Variants in SRD5A2 observed in about 807,000 individuals in gnomAD.
SRD5A2 encodes the protein steroid 5 alpha-reductase 2.
In SRD5A2, 30 loss-of-function variants were observed where a neutral mutation model predicts 27.4. That is an observed-to-expected ratio of 1.10 (90% confidence interval 0.82 to 1.49). The LOEUF (loss-of-function observed/expected upper bound fraction) is 1.49, where lower values mean the gene tolerates loss of function less well. SRD5A2 is among the 40% of genes most tolerant of loss of function. SRD5A2 has a pLI of 0.00. For synonymous variants in SRD5A2, 141 were observed against 133.6 expected (o/e 1.06, Z -0.38); for missense variants, 348 against 323.4 (o/e 1.08, Z -0.58).
the SRD5A2 span, among the ~76,000 whole-genome samples, chr2:31,599,247 T>C: frequency 6.6e-6 from 1 of 152,000 alleles, no homozygotes; most frequent in Admixed American, 6.6e-5. Context: ...GCATTGAACA[T>C]ATCTTCCAGA....
At chr2:31,591,520 T>A in the SRD5A2 span, among the ~76,000 whole-genome samples, 38 of 152,076 alleles carry the variant, frequency 2.5e-4, no homozygotes, top group South Asian at 8.3e-4. Context: ...ATTGTGGAAG[T>A]CAGTGTGGTG....
the SRD5A2 span, among the ~76,000 whole-genome samples, chr2:31,607,518 C>A: frequency 6.6e-6 from 1 of 151,626 alleles, no homozygotes; most frequent in South Asian, 2.1e-4. Context: ...AAAAAAAGCT[C>A]AGCATTTTAC....
At chr2:31,565,556 T>C (rs1478465116) in intron 1 of SRD5A2, among the ~76,000 whole-genome samples, 1 of 151,904 alleles carries the variant, frequency 6.6e-6, no homozygotes, top group African/African-American at 2.4e-5. Flanking sequence ...AAATCTGTAG[T>C]GGCTAAGTTA....
chr2:31,657,880 T>C, the SRD5A2 span, among the ~76,000 whole-genome samples: 1 of 151,376 alleles, frequency 6.6e-6, no homozygotes, highest in Non-Finnish European at 1.5e-5. Flanking sequence ...AAAGTCATCA[T>C]GAAAAAGAAG....
intron 1 of SRD5A2, among the ~76,000 whole-genome samples, chr2:31,573,664 T>C (rs1308924218): frequency 6.6e-6 from 1 of 152,162 alleles, no homozygotes; most frequent in African/African-American, 2.4e-5. Flanking sequence ...CCCTCACCCA[T>C]TCCTCCTCAG....
chr2:31,527,874 A>G (rs1292925160), intron 4 of SRD5A2, among the ~76,000 whole-genome samples: 2 of 152,132 alleles, frequency 1.3e-5, no homozygotes, highest in African/African-American at 4.8e-5. Context: ...AAATCTTCAA[A>G]ACTAGGCATT....
chr2:31,658,638 T>C, the SRD5A2 span, among the ~76,000 whole-genome samples: 1 of 151,718 alleles, frequency 6.6e-6, no homozygotes, highest in Non-Finnish European at 1.5e-5. Context: ...GATAAATTCC[T>C]GGAAATATAC....
chr2:31,559,800 C>G (rs1238347059), intron 1 of SRD5A2, among the ~76,000 whole-genome samples: 1 of 149,144 alleles, frequency 6.7e-6, no homozygotes, highest in Non-Finnish European at 1.5e-5. Context: ...TTCTAGTAAC[C>G]AATACATCAG....
chr2:31,620,541 T>C, the SRD5A2 span, among the ~76,000 whole-genome samples: 2 of 152,026 alleles, frequency 1.3e-5, no homozygotes, highest in African/African-American at 4.8e-5. Context: ...TTTTTTAATG[T>C]GACTTGCTTT....
the SRD5A2 span, among the ~76,000 whole-genome samples, chr2:31,638,706 T>C: frequency 6.6e-6 from 1 of 152,064 alleles, no homozygotes; most frequent in East Asian, 1.9e-4. Flanking sequence ...AGTCTCTGAT[T>C]TGTAGTCTAT....
At chr2:31,539,072 A>G (rs1044593820) in intron 1 of SRD5A2, among the ~76,000 whole-genome samples, 5 of 152,178 alleles carry the variant, frequency 3.3e-5, no homozygotes, top group Non-Finnish European at 7.4e-5. Context: ...GGGGGTGTGA[A>G]GTGGAGATGC....
chr2:31,562,488 A>G (rs1012784139), intron 1 of SRD5A2, among the ~76,000 whole-genome samples: 1 of 152,154 alleles, frequency 6.6e-6, no homozygotes, highest in Non-Finnish European at 1.5e-5. Flanking sequence ...CAATCTAATC[A>G]TATTAATGTA....
chr2:31,603,550 TCCAAAAG>T, the SRD5A2 span, among the ~76,000 whole-genome samples: 1 of 151,880 alleles, frequency 6.6e-6, no homozygotes, highest in African/African-American at 2.4e-5. Context: ...TGGATATATA[TCCAAAAG>T]AATATAAATC....
At chr2:31,600,289 A>G in the SRD5A2 span, among the ~76,000 whole-genome samples, 1 of 152,124 alleles carries the variant, frequency 6.6e-6, no homozygotes. Flanking sequence ...GCTGCAATAA[A>G]CACATGAGTG....
At chr2:31,540,885 C>G (rs1404260088) in intron 1 of SRD5A2, among the ~76,000 whole-genome samples, 1 of 152,136 alleles carries the variant, frequency 6.6e-6, no homozygotes, top group East Asian at 1.9e-4. Context: ...GGCATATGTG[C>G]TTAGATTGAT....
the SRD5A2 span, among the ~76,000 whole-genome samples, chr2:31,606,425 T>C: frequency 2.8e-4 from 43 of 152,070 alleles, no homozygotes; most frequent in East Asian, 7.3e-3. Context: ...AACTATCATG[T>C]ACCCACAAAA....
At chr2:31,589,914 T>C in the SRD5A2 span, among the ~76,000 whole-genome samples, 1 of 151,910 alleles carries the variant, frequency 6.6e-6, no homozygotes. Context: ...ATAAACTCAG[T>C]GCTGTTGGAG....
chr2:31,643,510 G>A, the SRD5A2 span, among the ~76,000 whole-genome samples: 5 of 151,832 alleles, frequency 3.3e-5, no homozygotes, highest in African/African-American at 2.4e-5. Context: ...CTCCTGAGGG[G>A]GCATAGGACC....
At chr2:31,642,140 T>C in the SRD5A2 span, among the ~76,000 whole-genome samples, 1 of 151,990 alleles carries the variant, frequency 6.6e-6, no homozygotes, top group Non-Finnish European at 1.5e-5. Context: ...GGTAATTCAG[T>C]TGAGAAAGGA....
Sources: gnomAD v4.1 joint callset for allele counts (sites outside exome capture counted in the v4.1 genomes callset) on GRCh38, gnomAD v4.1.1 for gene constraint, MANE v1.5 for transcripts, NCBI Gene and HGNC (gene_info 2026-07-23, HGNC 2026-07-21) for gene names.